CALCR: variants seen among roughly 807,000 people sequenced by gnomAD.
CALCR encodes the protein calcitonin receptor.
CALCR carries 47 observed loss-of-function variants against 59.5 expected under a neutral mutation model. The ratio of observed to expected loss-of-function variants is 0.79; its 90% CI spans 0.63 to 1.01. CALCR has a LOEUF of 1.01. CALCR is among the 50% of genes least tolerant of loss of function. CALCR has a pLI of 0.00. For synonymous variants in CALCR, 213 were observed against 211.3 expected, an observed-to-expected ratio of 1.01 and a Z score of -0.07; for missense variants, 566 against 597.1, an observed-to-expected ratio of 0.95 and a Z score of 0.54.
chr7:93,452,700 A>G (rs554407346), intron 8 of CALCR, among the ~76,000 whole-genome samples: 47 of 152,102 alleles, frequency 3.1e-4, no homozygotes, highest in South Asian at 1.5e-3. Context: ...AACACTGGAG[A>G]AAAAAGTCTC....
In CALCR at chr7:93,532,838, C is replaced by CAAAAAAAAAAAAAAAAAAAAA. The variant is rs57128008; in HGVS notation, c.-27+41430_-27+41450dup. Among the ~76,000 whole-genome samples, 39 of 95,672 alleles carry CAAAAAAAAAAAAAAAAAAAAA rather than the reference C, an allele frequency of 4.1e-4. 4 individuals are homozygous for CAAAAAAAAAAAAAAAAAAAAA. The highest frequency in any genetic ancestry group is 1.8e-3 in the African/African-American group (35 of 19,922). 62.8% of individuals were successfully genotyped at this position (95,672 alleles called of 152,430 possible). A position where few individuals can be genotyped will look rare whatever the true frequency, so the allele number is the denominator to read the frequency against. On this transcript the variant is annotated intron_variant, in intron 2 of 13. Coordinates refer to ENST00000426151, the MANE Select transcript of CALCR (RefSeq NM_001742.4). ...TAGCCTTGATTCCTCATGTCCAAAG[C>CAAAAAAAAAAAAAAAAAAAAA]AAAAAAAAAAAAAAAAAAAAAAAAA...
At chr7:93,431,017 G>T (rs1799647871) in intron 13 of CALCR, among the ~76,000 whole-genome samples, 1 of 152,098 alleles carries the variant, frequency 6.6e-6, no homozygotes, top group African/African-American at 2.4e-5. Context: ...AATCTTACTG[G>T]TCTGCAGATA....
chr7:93,503,583 G>A (rs1441729010), intron 2 of CALCR, among the ~76,000 whole-genome samples: 3 of 151,950 alleles, frequency 2.0e-5, no homozygotes, highest in South Asian at 2.1e-4. Context: ...CAACATTGAC[G>A]GGAATTGCTT....
At chr7:93,431,529 A>T (rs180993024) in intron 13 of CALCR, among the ~76,000 whole-genome samples, 1 of 152,322 alleles carries the variant, frequency 6.6e-6, no homozygotes, top group Admixed American at 6.5e-5. Context: ...TCGAGGGCTT[A>T]GTAGTAAGGG....
At chr7:93,565,417 G>C (rs1584636072) in intron 2 of CALCR, among the ~76,000 whole-genome samples, 2 of 152,210 alleles carry the variant, frequency 1.3e-5, no homozygotes, top group African/African-American at 4.8e-5. Context: ...CTTCAAATAT[G>C]CCCAGATATT....
intron 2 of CALCR, among the ~76,000 whole-genome samples, chr7:93,536,432 A>C (rs1265454836): frequency 1.3e-5 from 2 of 151,734 alleles, no homozygotes; most frequent in Non-Finnish European, 3.0e-5. Context: ...TTTGCAGAAA[A>C]CTCTGAATTA....
At chr7:93,540,791 A>G (rs200429870) in intron 2 of CALCR, among the ~76,000 whole-genome samples, 7 of 60,312 alleles carry the variant, frequency 1.2e-4, no homozygotes, top group Admixed American at 1.1e-3. Flanking sequence ...TTTTATATGT[A>G]TAAAAAGTTA....
intron 2 of CALCR, among the ~76,000 whole-genome samples, chr7:93,538,193 T>C (rs1789043100): frequency 6.6e-6 from 1 of 152,020 alleles, no homozygotes; most frequent in Admixed American, 6.6e-5. Flanking sequence ...TTGTGGTTAT[T>C]ACAATAACAA....
chr7:93,437,984 T>C, intron 11 of CALCR, 76 bp downstream of exon 11: 1 of 1,177,038 alleles, frequency 8.5e-7, no homozygotes, highest in Non-Finnish European at 1.3e-6. Flanking sequence ...AAACATATGA[T>C]ACATAGAACT....
chr7:93,468,669 TA>T (rs772188333), intron 7 of CALCR, 45 bp downstream of exon 7: 1 of 1,337,460 alleles, frequency 7.5e-7, no homozygotes, highest in East Asian at 2.3e-5. Flanking sequence ...TTCGTTTCAG[TA>T]ACTTAAAGGA....
At position 93,493,645 on chromosome 7, in the gene CALCR, AAGTT is replaced by A. The variant is rs370784724; in HGVS notation, c.-26-6642_-26-6639del. Among the ~76,000 whole-genome samples the A allele has an allele frequency of 4.7e-3, 717 of 151,504 alleles. 6 individuals carry two copies. The highest frequency in any genetic ancestry group is 0.017 in the African/African-American group (688 of 41,410). The stretch of plus-strand genomic sequence containing the variant: ...TCTTTAGCAATTCCCTACAAACTTT[AAGTT>A]AGTGCAAAGAACCATTGGCTAGGAA... On this transcript the variant is annotated intron_variant, in intron 2 of 13. Transcript: ENST00000426151.
At chr7:93,468,354 T>A (rs762870147) in intron 7 of CALCR, among the ~76,000 whole-genome samples, 9 of 151,548 alleles carry the variant, frequency 5.9e-5, no homozygotes, top group Non-Finnish European at 1.0e-4. Context: ...AAAATTAGAG[T>A]GGGAGTAAAA....
At chr7:93,558,378 A>G (rs1789659923) in intron 2 of CALCR, among the ~76,000 whole-genome samples, 1 of 152,050 alleles carries the variant, frequency 6.6e-6, no homozygotes, top group Admixed American at 6.6e-5. Context: ...ATTTATTTAT[A>G]CTACTTAAAA....
At chr7:93,460,781 C>A (rs763281757) in intron 8 of CALCR, 40 bp downstream of exon 8, 2 of 1,510,636 alleles carry the variant, frequency 1.3e-6, no homozygotes, top group Non-Finnish European at 1.8e-6. Flanking sequence ...GTACTATATC[C>A]TTTAAAATAA....
intron 2 of CALCR, among the ~76,000 whole-genome samples, chr7:93,496,777 A>C (rs1801213901): frequency 6.6e-6 from 1 of 151,616 alleles, no homozygotes; most frequent in Non-Finnish European, 1.5e-5. Context: ...CTTTTCAAAT[A>C]CAAAATTTGG....
chr7:93,531,145 T>G (rs111565155), intron 2 of CALCR, among the ~76,000 whole-genome samples: 1 of 152,120 alleles, frequency 6.6e-6, no homozygotes, highest in Non-Finnish European at 1.5e-5. Flanking sequence ...AAAATATTAT[T>G]TGACCATAAA....
intron 2 of CALCR, among the ~76,000 whole-genome samples, chr7:93,529,579 A>G (rs1788778515): frequency 6.6e-6 from 1 of 152,072 alleles, no homozygotes; most frequent in Non-Finnish European, 1.5e-5. Context: ...ATTATTTTTC[A>G]TTTATTTTTA....
rs1326782071 is a variant in CALCR at position 93,477,642 on chromosome 7, C to A, written c.232G>T (p.Gly78Ter). ...EGPYCNRTWD[G>*]WLCWDDTPAG... ...GGTGTGTCATCCCAGCACAGCCATCCATCCCAGGTGCGATTGCAATATGGA... is the reference window on the plus strand; with the variant it reads ...GGTGTGTCATCCCAGCACAGCCATCAATCCCAGGTGCGATTGCAATATGGA... Residue 78 changes from glycine to a stop codon, truncating the protein, a stop_gained, in exon 5 of 14, where the codon GGA becomes TGA. Coordinates refer to ENST00000426151, the MANE Select transcript of CALCR (RefSeq NM_001742.4). LOFTEE classifies it high-confidence loss of function. 1.9e-6 allele frequency: 3 copies of A among 1,610,908 alleles called. No homozygotes were observed. Among genetic ancestry groups the A allele is most frequent in the East Asian group, 4.5e-5 (2 of 44,686 alleles).
At chr7:93,443,808 C>G in intron 8 of CALCR, 51 bp from the exon 9 acceptor site, 1 of 1,520,494 alleles carries the variant, frequency 6.6e-7, no homozygotes, top group Non-Finnish European at 9.1e-7. Flanking sequence ...TAAAGATCTG[C>G]CAGGGAGCAC....
Sources: gnomAD v4.1 joint callset for allele counts (sites outside exome capture counted in the v4.1 genomes callset) on GRCh38, gnomAD v4.1.1 for gene constraint, MANE v1.5 for transcripts, NCBI Gene and HGNC (gene_info 2026-07-23, HGNC 2026-07-21) for gene names.